Variants in PCED1B observed in about 807,000 individuals in gnomAD.
The protein encoded by PCED1B is PC-esterase domain containing 1B.
For synonymous variants in PCED1B, 251 were observed against 246.1 expected (o/e 1.02, Z -0.19); for missense variants, 573 against 573.9 (o/e 1.00, Z 0.02).
intron 2 of PCED1B, among the ~76,000 whole-genome samples, chr12:47,158,019 C>A (rs1417267000): frequency 2.6e-5 from 4 of 152,128 alleles, no homozygotes; most frequent in African/African-American, 9.7e-5. Context: ...GTATGTACCA[C>A]ATTTCACTTA....
chr12:47,235,838 C>T lies in PCED1B; in HGVS notation c.775C>T (p.Arg259Cys). The T allele has an allele frequency of 6.4e-7, 1 of 1,574,798 alleles. No individual in the cohort carries two copies. Among genetic ancestry groups the T allele is most frequent in the Admixed American group, 1.9e-5 (1 of 53,270 alleles). ...ADAWGVELPHRHPVGEWIKKK... is the reference protein window; with the variant it reads ...ADAWGVELPHCHPVGEWIKKK... ...CGCCTGGGGTGTGGAGCTGCCCCAC[C>T]GCCACCCCGTGGGCGAGTGGATCAA... Residue 259 changes from arginine to cysteine, a missense_variant, in exon 4 of 4, where the codon CGC (arginine) becomes TGC (cysteine). Arg to Cys is a radical substitution (Grantham distance 180). Coordinates refer to ENST00000546455, the MANE Select transcript of PCED1B (RefSeq NM_138371.3).
At chr12:47,233,671 C>T (rs145927986) in intron 3 of PCED1B, among the ~76,000 whole-genome samples, 145 of 152,170 alleles carry the variant, frequency 9.5e-4, no homozygotes, top group African/African-American at 3.4e-3. Flanking sequence ...CTCCTCTTTC[C>T]CTGGTTGGGG....
chr12:47,188,927 A>G (rs1942359565), intron 2 of PCED1B, among the ~76,000 whole-genome samples: 1 of 152,090 alleles, frequency 6.6e-6, no homozygotes, highest in Non-Finnish European at 1.5e-5. Context: ...AAATGCCCCC[A>G]CATGGCATTT....
chr12:47,232,347 G>A (rs1943833203), intron 3 of PCED1B, among the ~76,000 whole-genome samples: 1 of 152,142 alleles, frequency 6.6e-6, no homozygotes, highest in South Asian at 2.1e-4. Flanking sequence ...TGGGGAAGAT[G>A]TCAATATTTT....
chr12:47,199,705 C>A (rs1399007783), intron 2 of PCED1B, among the ~76,000 whole-genome samples: 1 of 152,174 alleles, frequency 6.6e-6, no homozygotes, highest in African/African-American at 2.4e-5. Flanking sequence ...AGACTTTGCA[C>A]CTTTCACAAA....
intron 2 of PCED1B, among the ~76,000 whole-genome samples, chr12:47,129,424 G>A (rs1260982711): frequency 1.3e-5 from 2 of 152,154 alleles, no homozygotes; most frequent in Non-Finnish European, 2.9e-5. Flanking sequence ...AGGAGGCAGA[G>A]GTTGCAGTGA....
At position 47,088,927 on chromosome 12, in the gene PCED1B, T is replaced by G. The variant is rs567225071; in HGVS notation, c.-609+9202T>G. On this transcript the variant is annotated intron_variant, in intron 1 of 3. Coordinates refer to ENST00000546455, the MANE Select transcript of PCED1B (RefSeq NM_138371.3). ...TCAATTTCCTTTCCTGGGAAGGCTCTAAGAACCTTGGCTCCTTGGCTGTAT... is the reference window on the plus strand; with the variant it reads ...TCAATTTCCTTTCCTGGGAAGGCTCGAAGAACCTTGGCTCCTTGGCTGTAT... Among the ~76,000 whole-genome samples, 3 of 152,342 alleles carry G rather than the reference T, an allele frequency of 2.0e-5. No homozygotes were observed. In the South Asian group the frequency reaches 6.2e-4, roughly 32 times the overall value.
intron 2 of PCED1B, among the ~76,000 whole-genome samples, chr12:47,202,613 AAAAAAAG>A (rs1238641160): frequency 1.9e-4 from 28 of 150,202 alleles, no homozygotes; most frequent in Non-Finnish European, 2.4e-4. Flanking sequence ...AAAAAAAAAA[AAAAAAAG>A]AAAAAAGAAA....
At chr12:47,163,785 T>C (rs1941461893) in intron 2 of PCED1B, among the ~76,000 whole-genome samples, 1 of 152,182 alleles carries the variant, frequency 6.6e-6, no homozygotes, top group African/African-American at 2.4e-5. Context: ...TTATGTAGGT[T>C]GTGAGGTTCA....
At chr12:47,219,201 A>C (rs892206685) in intron 3 of PCED1B, among the ~76,000 whole-genome samples, 1 of 152,226 alleles carries the variant, frequency 6.6e-6, no homozygotes, top group Non-Finnish European at 1.5e-5. Flanking sequence ...TAGAATTTAA[A>C]TACTACAAAA....
intron 3 of PCED1B, among the ~76,000 whole-genome samples, chr12:47,227,227 G>A (rs1016729962): frequency 5.3e-5 from 8 of 152,042 alleles, no homozygotes; most frequent in Admixed American, 5.2e-4. Context: ...GCAGCAGCAA[G>A]ATGGCAAGAT....
rs1943264955 is a variant in PCED1B, at chr12:47,216,515, G to C, written c.-232G>C. The C allele has an allele frequency of 6.6e-6, 1 of 152,136 alleles. No individual in the cohort carries two copies. The highest frequency in any genetic ancestry group is 1.5e-5 in the Non-Finnish European group (1 of 68,056). The allele number at this position is 152,136 out of a possible 1,614,324, so 9.4% of individuals were successfully genotyped here. A position where few individuals can be genotyped will look rare whatever the true frequency, so the allele number is the denominator to read the frequency against. On this transcript the variant is annotated 5_prime_UTR_variant, in exon 3 of 4. Coordinates refer to ENST00000546455, the MANE Select transcript of PCED1B (RefSeq NM_138371.3). Reference sequence around the variant, plus strand: ...CACCGGAAATGTCATCTTCTCCCCAGACGCTGGCTTGCAAGCACAGCAGCA... The same window carrying C: ...CACCGGAAATGTCATCTTCTCCCCACACGCTGGCTTGCAAGCACAGCAGCA...
intron 2 of PCED1B, among the ~76,000 whole-genome samples, chr12:47,161,763 G>C (rs999787521): frequency 3.9e-5 from 6 of 152,278 alleles, no homozygotes; most frequent in Admixed American, 2.0e-4. Context: ...CCATTACTGG[G>C]TATATACCCA....
chr12:47,104,370 A>G (rs1019598483), intron 2 of PCED1B, among the ~76,000 whole-genome samples, 175 bp downstream of exon 2: 34 of 152,354 alleles, frequency 2.2e-4, no homozygotes, highest in African/African-American at 7.9e-4. Context: ...TCTCAATTAT[A>G]TAACTGGAAT....
chr12:47,115,174 T>G (rs1396058819), intron 2 of PCED1B, among the ~76,000 whole-genome samples: 2 of 152,186 alleles, frequency 1.3e-5, no homozygotes, highest in Non-Finnish European at 2.9e-5. Flanking sequence ...ACCAAGAGTG[T>G]CAGCCTTCTT....
At chr12:47,153,434 C>G (rs931825149) in intron 2 of PCED1B, among the ~76,000 whole-genome samples, 2 of 148,346 alleles carry the variant, frequency 1.3e-5, no homozygotes, top group African/African-American at 5.0e-5. Context: ...TAAAATCATA[C>G]AAAATGTTCC....
In PCED1B at chr12:47,235,767, G is replaced by A. The variant is rs769813694; in HGVS notation, c.704G>A (p.Arg235His). 2.5e-6 allele frequency: 4 copies of A among 1,592,084 alleles called. No homozygotes were observed. The highest frequency in any genetic ancestry group is 2.6e-6 in the Non-Finnish European group (3 of 1,169,616). The change falls in exon 4 of 4, where the codon CGT (arginine) becomes CAT (histidine). Residue 235 changes from arginine to histidine, a missense_variant. By Grantham distance (29) the Arg-to-His change is conservative. Coordinates refer to ENST00000546455, the MANE Select transcript of PCED1B (RefSeq NM_138371.3). ...TGGGACGGGGTGCACTGGAATGGAC[G>A]TGTGCACCGCTGCCTCTCCCAGCTG... is the stretch of plus-strand genomic sequence containing the variant. ...LHWDGVHWNGRVHRCLSQLLL... is the reference protein window; with the variant it reads ...LHWDGVHWNGHVHRCLSQLLL...
At chr12:47,098,320 G>A (rs944619829) in intron 1 of PCED1B, among the ~76,000 whole-genome samples, 1 of 152,196 alleles carries the variant, frequency 6.6e-6, no homozygotes, top group African/African-American at 2.4e-5. Flanking sequence ...GAGGGCTGAG[G>A]TTGGTGCCAG....
At chr12:47,172,527 G>T (rs897316875) in intron 2 of PCED1B, among the ~76,000 whole-genome samples, 3 of 152,040 alleles carry the variant, frequency 2.0e-5, no homozygotes, top group Admixed American at 1.3e-4. Flanking sequence ...GATAAATTTT[G>T]AGTTTGATTC....
Sources: gnomAD v4.1 joint callset for allele counts (sites outside exome capture counted in the v4.1 genomes callset) on GRCh38, gnomAD v4.1.1 for gene constraint, MANE v1.5 for transcripts, NCBI Gene and HGNC (gene_info 2026-07-23, HGNC 2026-07-21) for gene names.